PSMA7: variants seen among roughly 807,000 people sequenced by gnomAD.
PSMA7 encodes proteasome subunit alpha type-7.
PSMA7 carries 5 observed loss-of-function variants against 31.3 expected under a neutral mutation model. That is an observed-to-expected ratio of 0.16 (90% CI 0.08 to 0.34). The LOEUF (loss-of-function observed/expected upper bound fraction) is 0.34, where lower values mean the gene tolerates loss of function less well. PSMA7 is among the 10% of genes least tolerant of loss of function. PSMA7 has a pLI of 1.00. For synonymous variants in PSMA7, 155 were observed against 121.9 expected (o/e 1.27, Z -1.79); for missense variants, 217 against 327.5 (o/e 0.66, Z 2.60).
chr20:62,137,954 C>T (rs1048864946), intron 5 of PSMA7, among the ~76,000 whole-genome samples: 3 of 152,120 alleles, frequency 2.0e-5, no homozygotes, highest in Admixed American at 6.5e-5. Flanking sequence ...TCAGCTGCCC[C>T]GGCTGGATAA....
At chr20:62,138,085 ACCTT>A in intron 5 of PSMA7, 82 bp downstream of exon 5, 2 of 1,578,342 alleles carry the variant, frequency 1.3e-6, no homozygotes, top group Non-Finnish European at 8.7e-7. Flanking sequence ...GATCCTTGCC[ACCTT>A]CCTTCCTGCT....
intron 5 of PSMA7, among the ~76,000 whole-genome samples, 186 bp downstream of exon 5, chr20:62,137,985 T>TG (rs113108610): frequency 0.036 from 5,442 of 152,256 alleles, 287 homozygotes; most frequent in African/African-American, 0.12. Flanking sequence ...GATCACATCT[T>TG]GCATGGCTAT....
chr20:62,139,038 G>T, intron 4 of PSMA7, 37 bp downstream of exon 4: 1 of 1,605,040 alleles, frequency 6.2e-7, no homozygotes, highest in South Asian at 1.1e-5. Flanking sequence ...GCCTTTTTCT[G>T]GCAAGACTGT....
intron 1 of PSMA7, chr20:62,142,521 A>G (rs192247395): frequency 3.3e-5 from 5 of 152,368 alleles, no homozygotes; most frequent in African/African-American, 7.2e-5. Context: ...GTTTCAAACA[A>G]TGTCACTAAG....
Position 62,139,537 on chromosome 20 carries a change from A to G in PSMA7, c.348+244T>C, listed in dbSNP as rs2056914575. 4.0e-6 allele frequency: 3 copies of G among 757,548 alleles called. No individual in the cohort carries two copies. In the East Asian group the frequency reaches 8.1e-5, roughly 20 times the overall value. The allele number at this position is 757,548 out of a possible 1,614,324, so 46.9% of individuals were successfully genotyped here. ...GACTGGTCACTCAGGATGGCAAGAC[A>G]AAAGCTATCATTTCCCTCCAGACAC... On this transcript the variant is annotated intron_variant, in intron 3 of 6. Coordinates refer to ENST00000370873, the MANE Select transcript of PSMA7 (RefSeq NM_002792.4).
chr20:62,137,556 A>G, intron 5 of PSMA7, 130 bp from the exon 6 acceptor site: 1 of 846,354 alleles, frequency 1.2e-6, no homozygotes. Flanking sequence ...CCCAGCCCCC[A>G]AAACCTGTGT....
chr20:62,140,793 G>C, intron 2 of PSMA7, 25 bp downstream of exon 2: 1 of 1,613,426 alleles, frequency 6.2e-7, no homozygotes, highest in Non-Finnish European at 8.5e-7. Context: ...TAGAGAGTAA[G>C]ACAGCGCTCC....
rs7076 is a variant in PSMA7, at chr20:62,138,255, G to A, written c.507C>T (p.Arg169=). ...NAIGRGAKSV[R]EFLEKNYTDE... Reference sequence around the variant, plus strand: ...CAGTATAGTTCTTCTCCAGGAACTCGCGCACTGACTTGGCACCCCGACCTA... The same window carrying A: ...CAGTATAGTTCTTCTCCAGGAACTCACGCACTGACTTGGCACCCCGACCTA... Residue 169 remains arginine, a synonymous_variant, in exon 5 of 7, where the codon CGC becomes CGT. Coordinates refer to ENST00000370873, the MANE Select transcript of PSMA7 (RefSeq NM_002792.4). The A allele has an allele frequency of 0.77, 1,237,233 of 1,613,262 alleles. 486,846 individuals carry two copies. Among genetic ancestry groups the A allele is most frequent in the East Asian group, 0.81 (36,145 of 44,856 alleles).
chr20:62,138,428 G>A, intron 4 of PSMA7, 138 bp from the exon 5 acceptor site: 4 of 1,134,844 alleles, frequency 3.5e-6, no homozygotes, highest in Non-Finnish European at 3.7e-6. Context: ...CAGCAGCTGT[G>A]GACACAGGCC....
chr20:62,137,715 T>A lies in PSMA7; in HGVS notation c.592-289A>T, dbSNP rs1325814780. 3.9e-5 allele frequency among the ~76,000 whole-genome samples: 6 copies of A among 152,332 alleles called. No individual in the cohort carries two copies. The East Asian group carries it at 9.6e-4, about 24-fold the overall frequency. ...CAGTGGTTACAACCAGGAATCCTGA[T>A]GCCTACGCTCCCGCCTGGCCTTCCA... On this transcript the variant is annotated intron_variant, in intron 5 of 6. Coordinates refer to ENST00000370873, the MANE Select transcript of PSMA7 (RefSeq NM_002792.4).
At chr20:62,139,364 G>A in intron 3 of PSMA7, 167 bp from the exon 4 acceptor site, 4 of 909,370 alleles carry the variant, frequency 4.4e-6, no homozygotes, top group South Asian at 1.8e-5. Flanking sequence ...ATCCTTTTCT[G>A]CATTTTCACT....
At chr20:62,139,675 T>A in intron 3 of PSMA7, 106 bp downstream of exon 3, 6 of 1,573,082 alleles carry the variant, frequency 3.8e-6, no homozygotes, top group Non-Finnish European at 5.2e-6. Context: ...CGCCCCAGAA[T>A]AAATCAGTTT....
chr20:62,142,672 G>C (rs1245748905), intron 1 of PSMA7: 1 of 152,352 alleles, frequency 6.6e-6, no homozygotes, highest in Non-Finnish European at 1.5e-5. Context: ...GGCCAGGCCA[G>C]CGAGCCGCTT....
Position 62,140,872 on chromosome 20 carries a change from T to G in PSMA7, c.169A>C (p.Arg57=). The G allele has an allele frequency of 1.2e-6, 2 of 1,614,234 alleles. No homozygotes were observed. Among genetic ancestry groups the G allele is most frequent in the Admixed American group, 1.7e-5 (1 of 60,028 alleles). Residue 57 remains arginine, a synonymous_variant, in exon 2 of 7, where the codon AGA becomes CGA. Transcript: ENST00000370873. ...AAAGCACAGATCTTCCGCACTGTTC[T>G]TTCATCCTGCAGTTTGGCCACTGAC... The part of the protein sequence containing the change: ...KKSVAKLQDE[R]TVRKICALDD...
rs756743582 is a variant in PSMA7 at position 62,143,256 on chromosome 20, G to C, written c.48C>G (p.Leu16=). Reference sequence around the variant, plus strand: ...CCTCCTGCGCGTACTCCACTTGGAAGAGGTGGCCGTCGGGCGAGAAGACGG... The same window carrying C: ...CCTCCTGCGCGTACTCCACTTGGAACAGGTGGCCGTCGGGCGAGAAGACGG... ...AITVFSPDGH[L]FQVEYAQEAV... The change falls in exon 1 of 7, where the codon CTC becomes CTG. Residue 16 remains leucine, a synonymous_variant. Transcript: ENST00000370873. 4.1e-6 allele frequency: 6 copies of C among 1,480,308 alleles called. No homozygotes were observed. The highest frequency in any genetic ancestry group is 1.2e-5 in the South Asian group (1 of 83,624). The allele number at this position is 1,480,308 out of a possible 1,614,324, so 91.7% of individuals were successfully genotyped here.
rs369835586 is a variant in PSMA7, at chr20:62,140,837, G to T, written c.204C>A (p.Asn68Lys). The T allele has an allele frequency of 6.2e-7, 1 of 1,614,212 alleles. No homozygotes were observed. Among genetic ancestry groups the T allele is most frequent in the Admixed American group, 1.7e-5 (1 of 60,026 alleles). The change falls in exon 2 of 7, where the codon AAC becomes AAA. Residue 68 changes from asparagine (N) to lysine (K), a missense_variant. Transcript: ENST00000370873. Reference sequence around the variant, plus strand: ...TCATACCTGCAAAGGCCATGCAGACGTTGTCATCCAAAGCACAGATCTTCC... The same window carrying T: ...TCATACCTGCAAAGGCCATGCAGACTTTGTCATCCAAAGCACAGATCTTCC... ...TVRKICALDD[N>K]VCMAFAGLTA...
intron 5 of PSMA7, among the ~76,000 whole-genome samples, chr20:62,137,654 T>C (rs1168204424): frequency 6.6e-6 from 1 of 152,210 alleles, no homozygotes; most frequent in Non-Finnish European, 1.5e-5. Context: ...TCCTCTCTCC[T>C]GCACAGTAGC....
Position 62,137,432 on chromosome 20 carries a change from AG to A in PSMA7, c.592-7del, listed in dbSNP as rs1314635189. On this transcript the variant is annotated splice_polypyrimidine_tract_variant and splice_region_variant and intron_variant, in intron 5 of 6. Coordinates refer to ENST00000370873, the MANE Select transcript of PSMA7 (RefSeq NM_002792.4). ...TTGCCACCTGACTGAACCACCTTGA[AG>A]GGACAGAAGACAGGAGCATTAACCA... The A allele has an allele frequency of 6.2e-7, 1 of 1,614,042 alleles. No individual in the cohort carries two copies. The highest frequency in any genetic ancestry group is 2.2e-5 in the East Asian group (1 of 44,884).
At chr20:62,140,613 T>A (rs2145665723) in intron 2 of PSMA7, among the ~76,000 whole-genome samples, 1 of 37,880 alleles carries the variant, frequency 2.6e-5, no homozygotes, top group Middle Eastern at 0.014. Context: ...TTTCATCCAT[T>A]TAGCCATTTG....
Sources: gnomAD v4.1 joint callset for allele counts (sites outside exome capture counted in the v4.1 genomes callset) on GRCh38, gnomAD v4.1.1 for gene constraint, MANE v1.5 for transcripts, NCBI Gene and HGNC (gene_info 2026-07-23, HGNC 2026-07-21) for gene names.